The following GPHN variants were observed in gnomAD, a reference collection of about 807,000 sequenced individuals.
GPHN encodes the protein gephyrin.
A neutral mutation model predicts 95.5 loss-of-function variants in GPHN; 17 were observed. That is an observed-to-expected ratio of 0.18 (90% CI 0.12 to 0.27). GPHN has a LOEUF of 0.27. Among genes scored for constraint, GPHN ranks in the 10% least tolerant of loss-of-function variants. The probability of loss-of-function intolerance (pLI) is 1.00; values close to 1 mark genes in which losing one functional copy is unlikely to be tolerated. For synonymous variants in GPHN, 320 were observed against 322.5 expected, an observed-to-expected ratio of 0.99 and a Z score of 0.08; for missense variants, 660 against 978.1, an observed-to-expected ratio of 0.67 and a Z score of 4.34.
chr14:67,399,717 G>C, the GPHN span, among the ~76,000 whole-genome samples: 15 of 124,832 alleles, frequency 1.2e-4, no homozygotes, highest in African/African-American at 5.5e-4. Context: ...AGAGAAGGGT[G>C]GTTTAGGTGG....
chr14:66,538,354 T>C (rs7143824), intron 1 of GPHN, among the ~76,000 whole-genome samples: 30 of 152,014 alleles, frequency 2.0e-4, no homozygotes, highest in African/African-American at 7.0e-4. Context: ...TTGGAAAAAT[T>C]TGTATTTTAT....
At chr14:67,408,208 C>T in the GPHN span, among the ~76,000 whole-genome samples, 1 of 151,640 alleles carries the variant, frequency 6.6e-6, no homozygotes, top group African/African-American at 2.4e-5. Context: ...ATCACTTGAA[C>T]CTGGGAGGCA....
the GPHN span, among the ~76,000 whole-genome samples, chr14:67,193,954 C>CAAAAAAACAACAAA: frequency 3.5e-5 from 3 of 85,750 alleles, no homozygotes; most frequent in Middle Eastern, 6.3e-3. Flanking sequence ...CAAAAAAAAA[C>CAAAAAAACAACAAA]AAAAAAAAAA....
the GPHN span, among the ~76,000 whole-genome samples, chr14:67,325,882 C>T: frequency 6.6e-6 from 1 of 151,394 alleles, no homozygotes; most frequent in East Asian, 1.9e-4. Flanking sequence ...AATCTTGGCT[C>T]ACTGCAACCT....
At chr14:66,903,649 A>G (rs981717988) in intron 5 of GPHN, among the ~76,000 whole-genome samples, 7 of 152,112 alleles carry the variant, frequency 4.6e-5, no homozygotes, top group African/African-American at 1.7e-4. Flanking sequence ...ATTAAATGTT[A>G]TTATTGATAA....
chr14:67,727,469 G>T, the GPHN span: 5 of 377,616 alleles, frequency 1.3e-5, no homozygotes, highest in South Asian at 2.6e-5. Context: ...ACAGACAGAG[G>T]CTTTTTGTTT....
At chr14:67,173,165 C>G (rs757624095) in intron 21 of GPHN, among the ~76,000 whole-genome samples, 4 of 152,170 alleles carry the variant, frequency 2.6e-5, no homozygotes, top group African/African-American at 4.8e-5. Flanking sequence ...CCCCAAGACC[C>G]AGGTGCCACA....
the GPHN span, chr14:67,381,761 T>TG: frequency 8.6e-7 from 1 of 1,158,458 alleles, no homozygotes; most frequent in African/African-American, 1.6e-5. Flanking sequence ...GATCTTTGTT[T>TG]CTTTTTTTTT....
At chr14:67,319,563 T>TG in the GPHN span, among the ~76,000 whole-genome samples, 1 of 150,302 alleles carries the variant, frequency 6.7e-6, no homozygotes, top group Non-Finnish European at 1.5e-5. Flanking sequence ...AAGAATAGTC[T>TG]GGGGCCACAC....
At chr14:66,889,259 A>G (rs1348772964) in intron 5 of GPHN, among the ~76,000 whole-genome samples, 2 of 152,268 alleles carry the variant, frequency 1.3e-5, no homozygotes, top group East Asian at 1.9e-4. Flanking sequence ...TACAACCCAC[A>G]TATATAAAAC....
At chr14:67,145,962 AAGGTACTTAAGC>A (rs756879283) in intron 18 of GPHN, among the ~76,000 whole-genome samples, 6 of 152,348 alleles carry the variant, frequency 3.9e-5, no homozygotes, top group Non-Finnish European at 7.4e-5. Flanking sequence ...AAGGAACCTG[AAGGTACTTAAGC>A]AGCACCAAAG....
chr14:67,388,178 G>A, the GPHN span: 3 of 1,235,262 alleles, frequency 2.4e-6, no homozygotes, highest in Non-Finnish European at 2.4e-6. Flanking sequence ...AGGTGCAGGA[G>A]GGAGGCCCCT....
chr14:67,080,086 T>A (rs2153662439), intron 11 of GPHN, among the ~76,000 whole-genome samples: 1 of 152,268 alleles, frequency 6.6e-6, no homozygotes, highest in East Asian at 1.9e-4. Flanking sequence ...AAAACTTTTC[T>A]GGGTTTTTTG....
chr14:67,571,675 C>A, the GPHN span: 1 of 1,481,296 alleles, frequency 6.8e-7, no homozygotes, highest in Non-Finnish European at 9.4e-7. Context: ...GCACTTGGAC[C>A]AGGAGTGCAA....
chr14:67,493,631 C>T, the GPHN span, among the ~76,000 whole-genome samples: 1 of 152,086 alleles, frequency 6.6e-6, no homozygotes, highest in Non-Finnish European at 1.5e-5. Flanking sequence ...CTGTCAATAC[C>T]CTGCCTGTTG....
At chr14:67,449,743 G>T in the GPHN span, among the ~76,000 whole-genome samples, 1 of 152,144 alleles carries the variant, frequency 6.6e-6, no homozygotes, top group Non-Finnish European at 1.5e-5. Flanking sequence ...ATGGGGGTGG[G>T]TATTTCTCGT....
chr14:67,534,173 A>G, the GPHN span, among the ~76,000 whole-genome samples: 3 of 152,228 alleles, frequency 2.0e-5, no homozygotes, highest in Admixed American at 1.3e-4. Flanking sequence ...TATGTGACAG[A>G]CACTGTGTAT....
In GPHN at chr14:66,706,914, C is replaced by G. The variant is rs147588474; in HGVS notation, c.143+25729C>G. 1.1e-3 allele frequency among the ~76,000 whole-genome samples: 167 copies of G among 152,264 alleles called. 1 individual carries two copies. The East Asian group carries it at 0.017, about 15-fold the overall frequency. On this transcript the variant is annotated intron_variant, in intron 2 of 22. Coordinates refer to ENST00000478722, the MANE Select transcript of GPHN (RefSeq NM_020806.5). ...GGAGAAAATTTTGCAATCTACACAT[C>G]TGACAAAGGTCTAATATCCAGAATT...
the GPHN span, among the ~76,000 whole-genome samples, chr14:67,479,329 C>G: frequency 2.7e-5 from 4 of 150,128 alleles, no homozygotes; most frequent in African/African-American, 7.4e-5. Context: ...TTGCTTGAAC[C>G]GGGACCCAGG....
Sources: gnomAD v4.1 joint callset for allele counts (sites outside exome capture counted in the v4.1 genomes callset) on GRCh38, gnomAD v4.1.1 for gene constraint, MANE v1.5 for transcripts, NCBI Gene and HGNC (gene_info 2026-07-23, HGNC 2026-07-21) for gene names.